ABTB3: variants seen among roughly 807,000 people sequenced by gnomAD.
ABTB3 encodes ankyrin repeat- and BTB/POZ domain-containing protein 3.
At chr12:107,620,702 C>T in the ABTB3 span, among the ~76,000 whole-genome samples, 2 of 152,152 alleles carry the variant, frequency 1.3e-5, no homozygotes, top group Admixed American at 6.5e-5. Flanking sequence ...CTTTTCCGGT[C>T]GAGAGGGTCA....
At chr12:107,607,175 A>G in the ABTB3 span, among the ~76,000 whole-genome samples, 1 of 152,334 alleles carries the variant, frequency 6.6e-6, no homozygotes, top group African/African-American at 2.4e-5. Context: ...TCAGTTTCAG[A>G]TAAACAATGG....
chr12:107,649,128 C>A, the ABTB3 span: 1 of 1,333,396 alleles, frequency 7.5e-7, no homozygotes, highest in Non-Finnish European at 1.1e-6. Context: ...GGAACTAAGC[C>A]TGAGTTGGGG....
chr12:107,562,665 T>C, the ABTB3 span, among the ~76,000 whole-genome samples: 1 of 152,240 alleles, frequency 6.6e-6, no homozygotes, highest in East Asian at 1.9e-4. Context: ...GATTGAATTA[T>C]TTGAGATGAG....
chr12:107,362,047 G>A, the ABTB3 span, among the ~76,000 whole-genome samples: 696 of 152,238 alleles, frequency 4.6e-3, 2 homozygotes, highest in African/African-American at 0.011. Context: ...CTTGATCTTG[G>A]ACTATCCCAG....
the ABTB3 span, chr12:107,319,402 C>A: frequency 6.3e-7 from 1 of 1,599,650 alleles, no homozygotes; most frequent in Non-Finnish European, 8.5e-7. Flanking sequence ...GCCTGCGCTT[C>A]GCCAAGTGCA....
chr12:107,596,385 G>A, the ABTB3 span, among the ~76,000 whole-genome samples: 3 of 152,182 alleles, frequency 2.0e-5, no homozygotes, highest in Non-Finnish European at 1.5e-5. Context: ...GGTCAAGGTG[G>A]GTGGATCACT....
chr12:107,367,080 A>T, the ABTB3 span, among the ~76,000 whole-genome samples: 2 of 152,226 alleles, frequency 1.3e-5, no homozygotes, highest in African/African-American at 4.8e-5. Flanking sequence ...AGATTTTGCC[A>T]CAGTTGGTAC....
At chr12:107,456,746 G>A in the ABTB3 span, among the ~76,000 whole-genome samples, 3 of 152,168 alleles carry the variant, frequency 2.0e-5, no homozygotes, top group Non-Finnish European at 2.9e-5. Context: ...ATCAGGGACC[G>A]CTGATGTAAC....
the ABTB3 span, among the ~76,000 whole-genome samples, chr12:107,389,003 A>AGTTTTTAATT: frequency 1.1e-5 from 1 of 94,816 alleles, no homozygotes; most frequent in Admixed American, 1.2e-4. Context: ...TTTGGAGTGA[A>AGTTTTTAATT]CCAACATTAA....
the ABTB3 span, among the ~76,000 whole-genome samples, chr12:107,516,034 CAT>C: frequency 2.4e-5 from 3 of 125,464 alleles, no homozygotes; most frequent in Non-Finnish European, 4.9e-5. Flanking sequence ...TGTGTGTGTG[CAT>C]GTGTGTGTGT....
At chr12:107,514,930 C>T in the ABTB3 span, among the ~76,000 whole-genome samples, 1 of 152,170 alleles carries the variant, frequency 6.6e-6, no homozygotes, top group Non-Finnish European at 1.5e-5. Context: ...TGCACGTTAA[C>T]TGACTTTCCT....
chr12:107,534,960 T>G, the ABTB3 span, among the ~76,000 whole-genome samples: 1 of 152,180 alleles, frequency 6.6e-6, no homozygotes, highest in African/African-American at 2.4e-5. Context: ...AATATTATCC[T>G]AATACTAAAA....
chr12:107,468,100 G>T, the ABTB3 span, among the ~76,000 whole-genome samples: 1 of 152,152 alleles, frequency 6.6e-6, no homozygotes, highest in Non-Finnish European at 1.5e-5. Context: ...GTCATCCTCT[G>T]CTCCCTGATT....
chr12:107,486,947 G>A, the ABTB3 span, among the ~76,000 whole-genome samples: 1 of 152,158 alleles, frequency 6.6e-6, no homozygotes, highest in African/African-American at 2.4e-5. Context: ...TAAGTGAGCT[G>A]GGGTTTGAAC....
At chr12:107,327,889 G>C in the ABTB3 span, among the ~76,000 whole-genome samples, 1 of 152,206 alleles carries the variant, frequency 6.6e-6, no homozygotes, top group Non-Finnish European at 1.5e-5. Context: ...GAGGTGCTCT[G>C]TCTGTGGAAG....
chr12:107,638,660 A>G, the ABTB3 span, among the ~76,000 whole-genome samples: 13 of 152,320 alleles, frequency 8.5e-5, no homozygotes, highest in East Asian at 2.3e-3. Flanking sequence ...AACCTCTACT[A>G]ATAGTATAAT....
At chr12:107,353,477 C>T in the ABTB3 span, among the ~76,000 whole-genome samples, 1 of 152,314 alleles carries the variant, frequency 6.6e-6, no homozygotes, top group East Asian at 1.9e-4. Flanking sequence ...CATTTCCTAG[C>T]TGTGAGCCCA....
At chr12:107,319,794 A>G in the ABTB3 span, 1 of 1,439,308 alleles carries the variant, frequency 6.9e-7, no homozygotes, top group African/African-American at 1.5e-5. Flanking sequence ...CCCGCGGCGG[A>G]TAAAGAGCGG....
the ABTB3 span, chr12:107,640,321 T>C: frequency 1.3e-6 from 2 of 1,570,814 alleles, no homozygotes; most frequent in South Asian, 2.4e-5. Flanking sequence ...ATCCTCATTT[T>C]CTTAACAATA....
Sources: gnomAD v4.1 joint callset for allele counts (sites outside exome capture counted in the v4.1 genomes callset) on GRCh38, gnomAD v4.1.1 for gene constraint, MANE v1.5 for transcripts, NCBI Gene and HGNC (gene_info 2026-07-23, HGNC 2026-07-21) for gene names.